EIF4G3: variants seen among roughly 807,000 people sequenced by gnomAD.
EIF4G3 encodes eIF-4-gamma 3.
EIF4G3 carries 34 observed loss-of-function variants against 186.4 expected under a neutral mutation model. That is an observed-to-expected ratio of 0.18 (90% CI 0.14 to 0.24). EIF4G3 has a LOEUF of 0.24. EIF4G3 is among the 10% of genes least tolerant of loss of function. The pLI, the probability that EIF4G3 is intolerant of heterozygous loss-of-function variation, is 1.00. For synonymous variants in EIF4G3, 673 were observed against 679.5 expected, an observed-to-expected ratio of 0.99 and a Z score of 0.15; for missense variants, 1,536 against 1,948.5, an observed-to-expected ratio of 0.79 and a Z score of 3.99.
At chr1:20,921,808 T>G (rs1385004502) in intron 14 of EIF4G3, among the ~76,000 whole-genome samples, 1 of 152,230 alleles carries the variant, frequency 6.6e-6, no homozygotes, top group African/African-American at 2.4e-5. Flanking sequence ...TCTGCTTTTC[T>G]CATCATGCTT....
intron 6 of EIF4G3, 144 bp from the exon 7 acceptor site, chr1:20,997,777 AG>A: frequency 1.6e-6 from 1 of 640,516 alleles, no homozygotes; most frequent in South Asian, 2.1e-5. Flanking sequence ...AAACAGTCAA[AG>A]CTTTGCTGCA....
intron 2 of EIF4G3, among the ~76,000 whole-genome samples, chr1:21,097,562 C>A (rs1347352514): frequency 1.3e-5 from 2 of 152,110 alleles, no homozygotes; most frequent in Non-Finnish European, 2.9e-5. Context: ...AACATTCCAA[C>A]CTTAAAATTA....
chr1:21,131,311 A>G (rs1558108211), intron 2 of EIF4G3, among the ~76,000 whole-genome samples: 1 of 143,182 alleles, frequency 7.0e-6, no homozygotes, highest in South Asian at 2.3e-4. Context: ...TCAAACTACA[A>G]CATAGGGAAG....
At chr1:20,895,318 A>G (rs753229084) in intron 17 of EIF4G3, 50 bp downstream of exon 17, 2 of 1,575,206 alleles carry the variant, frequency 1.3e-6, no homozygotes, top group Non-Finnish European at 8.6e-7. Context: ...CTTATAGTTA[A>G]AATCAGTTCC....
chr1:21,168,309 G>A lies in EIF4G3; in HGVS notation c.-272+7866C>T, dbSNP rs368015221. Among the ~76,000 whole-genome samples, 1,045 of 152,164 alleles carry A rather than the reference G, an allele frequency of 6.9e-3. 12 individuals are homozygous for A. Among genetic ancestry groups the A allele is most frequent in the African/African-American group, 0.024 (989 of 41,522 alleles). Reference sequence around the variant, plus strand: ...AATCCCAGCTACTCAGGAGGCTGAGGCAGGAGAATTGCTTGACCCGGGAGG... The same window carrying A: ...AATCCCAGCTACTCAGGAGGCTGAGACAGGAGAATTGCTTGACCCGGGAGG... On this transcript the variant is annotated intron_variant, in intron 2 of 36. Transcript: ENST00000602326.
intron 20 of EIF4G3, among the ~76,000 whole-genome samples, chr1:20,876,507 A>T (rs2080918384): frequency 1.3e-5 from 2 of 151,532 alleles, no homozygotes; most frequent in Admixed American, 6.6e-5. Context: ...AAACCAAAAA[A>T]ACCTCTTTAT....
intron 14 of EIF4G3, among the ~76,000 whole-genome samples, chr1:20,905,793 T>C (rs150457860): frequency 7.4e-4 from 112 of 152,212 alleles, no homozygotes; most frequent in Admixed American, 2.2e-3. Flanking sequence ...TGAGGTACTA[T>C]AGAAGGATGA....
intron 4 of EIF4G3, among the ~76,000 whole-genome samples, chr1:21,027,302 C>T (rs545999254): frequency 1.3e-4 from 20 of 150,226 alleles, no homozygotes; most frequent in African/African-American, 4.9e-4. Flanking sequence ...AAGTGATTCT[C>T]CTGCCTCAGC....
chr1:20,829,384 G>C lies in EIF4G3; in HGVS notation c.4062-112C>G. On this transcript the variant is annotated intron_variant, in intron 30 of 36. Transcript: ENST00000602326. ...TACATATTAATCACCTGCTATGTTA[G>C]GTACAGTCTAGCCACAAAGTGACTG... The C allele has an allele frequency of 2.5e-6, 3 of 1,222,488 alleles. No homozygotes were observed. The South Asian group carries it at 4.1e-5, about 17-fold the overall frequency. 75.7% of individuals were successfully genotyped at this position (1,222,488 alleles called of 1,614,324 possible).
chr1:20,820,969 C>G (rs946544120), intron 33 of EIF4G3, among the ~76,000 whole-genome samples: 7 of 152,104 alleles, frequency 4.6e-5, no homozygotes, highest in African/African-American at 1.7e-4. Context: ...GAGCTACCCA[C>G]TCCTCTGAGC....
At chr1:21,141,377 T>TTGTGTGTGTGTGTG (rs10627733) in intron 2 of EIF4G3, among the ~76,000 whole-genome samples, 2,742 of 145,206 alleles carry the variant, frequency 0.019, 47 homozygotes, top group Non-Finnish European at 0.027. Flanking sequence ...TATTTTTTCT[T>TTGTGTGTGTGTGTG]TGTGTGTGTG....
At chr1:21,144,712 A>G (rs1379876669) in intron 2 of EIF4G3, among the ~76,000 whole-genome samples, 2 of 152,048 alleles carry the variant, frequency 1.3e-5, no homozygotes, top group Admixed American at 6.6e-5. Context: ...ATTTTAATAG[A>G]TTATAATAAA....
chr1:20,853,855 C>T (rs1170673236), intron 26 of EIF4G3, among the ~76,000 whole-genome samples, 178 bp from the exon 27 acceptor site: 2 of 152,222 alleles, frequency 1.3e-5, no homozygotes, highest in African/African-American at 2.4e-5. Flanking sequence ...GGAATTTGCA[C>T]ATAATAGAGT....
At chr1:20,866,938 A>G (rs2077689580) in intron 20 of EIF4G3, among the ~76,000 whole-genome samples, 1 of 152,202 alleles carries the variant, frequency 6.6e-6, no homozygotes, top group Non-Finnish European at 1.5e-5. Flanking sequence ...CCGGCCCACA[A>G]TCTATCATCT....
intron 2 of EIF4G3, among the ~76,000 whole-genome samples, chr1:21,142,247 C>A (rs1235056654): frequency 1.3e-5 from 2 of 151,950 alleles, no homozygotes; most frequent in African/African-American, 4.8e-5. Context: ...TGCCTGTAAT[C>A]CCAGCATTTT....
intron 3 of EIF4G3, among the ~76,000 whole-genome samples, chr1:21,051,324 G>T (rs921951873): frequency 1.3e-5 from 2 of 152,080 alleles, no homozygotes; most frequent in African/African-American, 4.8e-5. Context: ...GAACAGAAAA[G>T]AAATAAATGG....
At chr1:20,815,685 C>T (rs370656474) in intron 34 of EIF4G3, among the ~76,000 whole-genome samples, 41,274 of 137,098 alleles carry the variant, frequency 0.3, 6,212 homozygotes, top group Non-Finnish European at 0.37. Flanking sequence ...CCAGCCGCCC[C>T]GTCCGGGAGG....
chr1:21,055,120 A>G (rs1014357649), intron 3 of EIF4G3, among the ~76,000 whole-genome samples: 1 of 152,230 alleles, frequency 6.6e-6, no homozygotes, highest in Admixed American at 6.5e-5. Context: ...CATCTACTTT[A>G]GAAAATTAAT....
At chr1:21,080,326 AAAG>A (rs960530468) in intron 3 of EIF4G3, among the ~76,000 whole-genome samples, 1 of 151,666 alleles carries the variant, frequency 6.6e-6, no homozygotes, top group Non-Finnish European at 1.5e-5. Context: ...AACAAAAAAA[AAAG>A]AGAGAGAGAA....
Sources: allele counts gnomAD v4.1 joint callset (sites outside exome capture counted in the v4.1 genomes callset), GRCh38; gene constraint gnomAD v4.1.1; transcripts MANE v1.5; gene names NCBI Gene and HGNC (gene_info 2026-07-23, HGNC 2026-07-21).